Variants in ANO3 observed in about 807,000 individuals in gnomAD.
The protein encoded by ANO3 is anoctamin-3.
A neutral mutation model predicts 144.8 loss-of-function variants in ANO3; 99 were observed. The ratio of observed to expected loss-of-function variants is 0.68; its 90% CI spans 0.58 to 0.81. The LOEUF is 0.81. ANO3 is among the 30% of genes least tolerant of loss of function. The pLI is 0.00. For missense variants in ANO3, 905 were observed against 1,202.2 expected, an observed-to-expected ratio of 0.75 and a Z score of 3.66; for synonymous variants, 414 against 392.6, an observed-to-expected ratio of 1.05 and a Z score of -0.64.
chr11:26,604,033 G>C (rs1851870430), intron 17 of ANO3, among the ~76,000 whole-genome samples: 1 of 151,964 alleles, frequency 6.6e-6, no homozygotes, highest in Non-Finnish European at 1.5e-5. Context: ...CTGTGCAGTA[G>C]AACACTAGAA....
rs7128308 is a variant in ANO3, at chr11:26,505,302, A to C, written c.433-2802A>C. Among the ~76,000 whole-genome samples the C allele has an allele frequency of 3.9e-3, 601 of 152,322 alleles. 10 individuals carry two copies. The highest frequency in any genetic ancestry group is 0.013 in the African/African-American group (556 of 41,580). Reference sequence around the variant, plus strand: ...AGAGTTGCAATCAACCGGAATAAAGAAGGTTGTGGGAAGTACCTGTTTGGA... The same window carrying C: ...AGAGTTGCAATCAACCGGAATAAAGCAGGTTGTGGGAAGTACCTGTTTGGA... On this transcript the variant is annotated intron_variant, in intron 4 of 26. Coordinates refer to ENST00000256737, the MANE Select transcript of ANO3 (RefSeq NM_031418.4).
intron 1 of ANO3, among the ~76,000 whole-genome samples, chr11:26,277,490 C>T (rs1333265786): frequency 1.3e-5 from 2 of 152,042 alleles, no homozygotes; most frequent in African/African-American, 4.8e-5. Flanking sequence ...AAATCCTTAA[C>T]ACAGTGTAAA....
upstream of ANO3, among the ~76,000 whole-genome samples, chr11:26,330,963 T>C (rs548546565): frequency 3.9e-5 from 6 of 152,206 alleles, no homozygotes; most frequent in Non-Finnish European, 8.8e-5. Context: ...GATGTGTCTG[T>C]TCAATAACAT....
chr11:26,578,786 T>A (rs540599744), intron 14 of ANO3, among the ~76,000 whole-genome samples: 2 of 152,336 alleles, frequency 1.3e-5, no homozygotes, highest in African/African-American at 4.8e-5. Context: ...AGATTCCTGC[T>A]ATTAGAAGAA....
chr11:26,533,353 T>A (rs1849421520), intron 8 of ANO3, among the ~76,000 whole-genome samples: 1 of 152,178 alleles, frequency 6.6e-6, no homozygotes, highest in Admixed American at 6.5e-5. Flanking sequence ...GATGATATTA[T>A]GTTGGTACAA....
At chr11:26,397,795 T>G (rs1186879038) in intron 1 of ANO3, among the ~76,000 whole-genome samples, 2 of 152,086 alleles carry the variant, frequency 1.3e-5, no homozygotes, top group Non-Finnish European at 1.5e-5. Context: ...AAGAACTGAT[T>G]CTACCTAACT....
At chr11:26,436,672 A>T (rs1350792665) in intron 1 of ANO3, among the ~76,000 whole-genome samples, 1 of 151,772 alleles carries the variant, frequency 6.6e-6, no homozygotes, top group African/African-American at 2.4e-5. Context: ...CAGTCTGGCC[A>T]CTTCTTCATA....
chr11:26,564,723 AC>A (rs1850467880), intron 14 of ANO3, among the ~76,000 whole-genome samples: 1 of 62,822 alleles, frequency 1.6e-5, no homozygotes, highest in African/African-American at 5.5e-5. Flanking sequence ...ACACACACAC[AC>A]ACACACACAT....
At chr11:26,425,748 G>A (rs1244573379) in intron 1 of ANO3, among the ~76,000 whole-genome samples, 1 of 152,078 alleles carries the variant, frequency 6.6e-6, no homozygotes, top group Non-Finnish European at 1.5e-5. Context: ...TGAATAGGGA[G>A]GGTGGTGGAA....
intron 17 of ANO3, among the ~76,000 whole-genome samples, chr11:26,612,255 T>C (rs1317369867): frequency 6.6e-6 from 1 of 152,168 alleles, no homozygotes; most frequent in East Asian, 1.9e-4. Flanking sequence ...TTCTTACTCT[T>C]GGCATTTGTG....
intron 1 of ANO3, among the ~76,000 whole-genome samples, chr11:26,277,681 CT>C (rs1853588583): frequency 6.6e-6 from 1 of 151,620 alleles, no homozygotes. Context: ...CTTTTTCTTT[CT>C]TTTCTCTTTA....
At position 26,552,855 on chromosome 11, in the gene ANO3, G is replaced by A. The variant is rs567979038; in HGVS notation, c.1290-394G>A. Among the ~76,000 whole-genome samples the A allele has an allele frequency of 9.5e-4, 144 of 152,104 alleles. 1 individual carries two copies. Among genetic ancestry groups the A allele is most frequent in the African/African-American group, 3.3e-3 (139 of 41,510 alleles). ...TAAATTGTGTGATCACCAGACTTGA[G>A]AAAACCAAATAGGTTTGATTCCATC... On this transcript the variant is annotated intron_variant, in intron 12 of 26. Transcript: ENST00000256737.
chr11:26,240,490 A>G (rs1426707268), intron 1 of ANO3, among the ~76,000 whole-genome samples: 1 of 152,222 alleles, frequency 6.6e-6, no homozygotes, highest in Non-Finnish European at 1.5e-5. Context: ...TGAAAACTGT[A>G]TTAAGTGGAA....
At chr11:26,470,423 A>T (rs557445513) in intron 4 of ANO3, among the ~76,000 whole-genome samples, 1 of 149,616 alleles carries the variant, frequency 6.7e-6, no homozygotes, top group East Asian at 2.0e-4. Flanking sequence ...CTCAAAAAAA[A>T]AACAGAAAAA....
chr11:26,377,997 C>G (rs1270384065), intron 1 of ANO3, among the ~76,000 whole-genome samples: 1 of 151,908 alleles, frequency 6.6e-6, no homozygotes, highest in East Asian at 1.9e-4. Context: ...TACCAGGAAA[C>G]ACTAACTAGA....
At chr11:26,275,640 G>A (rs1438064345) in intron 1 of ANO3, among the ~76,000 whole-genome samples, 1 of 152,142 alleles carries the variant, frequency 6.6e-6, no homozygotes, top group Non-Finnish European at 1.5e-5. Flanking sequence ...CTGTAGGTCA[G>A]AGGTTAGCTT....
intron 1 of ANO3, among the ~76,000 whole-genome samples, chr11:26,424,116 G>A (rs1294451068): frequency 1.3e-5 from 2 of 151,782 alleles, no homozygotes. Flanking sequence ...TCTCCAACTC[G>A]GATTGCAGCA....
chr11:26,558,792 A>G (rs1850168333), intron 13 of ANO3, among the ~76,000 whole-genome samples: 1 of 152,158 alleles, frequency 6.6e-6, no homozygotes, highest in Non-Finnish European at 1.5e-5. Flanking sequence ...CCCATTGAGC[A>G]CCCTCTGGAT....
intron 1 of ANO3, among the ~76,000 whole-genome samples, chr11:26,319,237 G>A (rs1854701275): frequency 6.6e-6 from 1 of 151,988 alleles, no homozygotes; most frequent in Admixed American, 6.6e-5. Context: ...GGACTCAAGT[G>A]ATCCTCCCAC....
Sources: gnomAD v4.1 joint callset for allele counts (sites outside exome capture counted in the v4.1 genomes callset) on GRCh38, gnomAD v4.1.1 for gene constraint, MANE v1.5 for transcripts, NCBI Gene and HGNC (gene_info 2026-07-23, HGNC 2026-07-21) for gene names.